CAMKMT: variants seen among roughly 807,000 people sequenced by gnomAD.
The protein encoded by CAMKMT is calmodulin-lysine N-methyltransferase, also known as CaM KMT.
In CAMKMT, 53 loss-of-function variants were observed where a neutral mutation model predicts 48.0. The observed-to-expected ratio is 1.10, with a 90% CI of 0.89 to 1.39. CAMKMT has a LOEUF of 1.39. CAMKMT is among the 40% of genes most tolerant of loss of function. The pLI, the probability that CAMKMT is intolerant of heterozygous loss-of-function variation, is 0.00. For missense variants in CAMKMT, 428 were observed against 402.7 expected, an observed-to-expected ratio of 1.06 and a Z score of -0.54; for synonymous variants, 165 against 152.3, an observed-to-expected ratio of 1.08 and a Z score of -0.61.
intron 2 of CAMKMT, among the ~76,000 whole-genome samples, chr2:44,375,021 C>T (rs1174724902): frequency 1.3e-5 from 2 of 152,062 alleles, no homozygotes; most frequent in East Asian, 1.9e-4. Flanking sequence ...GTCCCAGGCA[C>T]TCAGGAGGCT....
chr2:44,640,936 G>A (rs1430398254), intron 3 of CAMKMT, among the ~76,000 whole-genome samples: 2 of 152,098 alleles, frequency 1.3e-5, no homozygotes, highest in Non-Finnish European at 2.9e-5. Context: ...TGATCTTCCT[G>A]GGCTATATAG....
intron 3 of CAMKMT, among the ~76,000 whole-genome samples, chr2:44,579,520 GGAAA>G (rs1669425287): frequency 6.6e-6 from 1 of 152,186 alleles, no homozygotes; most frequent in Non-Finnish European, 1.5e-5. Flanking sequence ...GAAGCTGCAT[GGAAA>G]GAAAGAGAAT....
intron 3 of CAMKMT, among the ~76,000 whole-genome samples, chr2:44,684,981 A>G (rs1328658163): frequency 2.6e-5 from 4 of 152,080 alleles, no homozygotes; most frequent in Non-Finnish European, 5.9e-5. Flanking sequence ...AGAGGGATTC[A>G]TTTTTTATTG....
chr2:44,448,634 C>G (rs1239019308), intron 3 of CAMKMT, among the ~76,000 whole-genome samples: 1 of 152,184 alleles, frequency 6.6e-6, no homozygotes, highest in Non-Finnish European at 1.5e-5. Context: ...GTCCACCCAA[C>G]TAAGAACACA....
At chr2:44,565,144 C>A (rs1001544084) in intron 3 of CAMKMT, among the ~76,000 whole-genome samples, 8 of 152,160 alleles carry the variant, frequency 5.3e-5, no homozygotes, top group Non-Finnish European at 7.3e-5. Context: ...CAAAGGGACC[C>A]CCCAAGTGGT....
chr2:44,677,391 T>C (rs1675767068), intron 3 of CAMKMT, among the ~76,000 whole-genome samples: 1 of 152,188 alleles, frequency 6.6e-6, no homozygotes, highest in Non-Finnish European at 1.5e-5. Context: ...GGTAGAAGAT[T>C]GCATTCAGTT....
chr2:44,536,420 G>C (rs577542176), intron 3 of CAMKMT, among the ~76,000 whole-genome samples: 19 of 151,840 alleles, frequency 1.3e-4, no homozygotes, highest in Non-Finnish European at 2.2e-4. Context: ...TGCCTCCTGG[G>C]TTCCAGTGAT....
chr2:44,387,289 C>T (rs1680866791), intron 2 of CAMKMT, among the ~76,000 whole-genome samples: 1 of 152,112 alleles, frequency 6.6e-6, no homozygotes, highest in South Asian at 2.1e-4. Flanking sequence ...TCTCTTTTAA[C>T]TGCTGTTGCT....
At chr2:44,408,224 C>G (rs773315708) in intron 3 of CAMKMT, among the ~76,000 whole-genome samples, 1 of 151,976 alleles carries the variant, frequency 6.6e-6, no homozygotes, top group Admixed American at 6.6e-5. Context: ...TGGGGTTTCA[C>G]CATATTGGCT....
intron 3 of CAMKMT, among the ~76,000 whole-genome samples, chr2:44,673,522 G>GAAGGAAGGAAGT (rs945472268): frequency 1.3e-5 from 1 of 76,626 alleles, no homozygotes; most frequent in Non-Finnish European, 2.7e-5. Context: ...AGGAAGGAAG[G>GAAGGAAGGAAGT]AGGGAAGGAA....
chr2:44,542,542 C>G (rs1318825537), intron 3 of CAMKMT, among the ~76,000 whole-genome samples: 4 of 39,936 alleles, frequency 1.0e-4, no homozygotes, highest in Non-Finnish European at 4.4e-4. Context: ...CACACACTCT[C>G]TCTCTCTCTC....
intron 7 of CAMKMT, among the ~76,000 whole-genome samples, chr2:44,719,069 C>G (rs1271247595): frequency 1.3e-5 from 2 of 152,136 alleles, no homozygotes; most frequent in Non-Finnish European, 2.9e-5. Flanking sequence ...TTTTCCTGGG[C>G]CTTCTGCAGT....
At chr2:44,538,958 C>CTCTGTG (rs1416937430) in intron 3 of CAMKMT, among the ~76,000 whole-genome samples, 2 of 140,134 alleles carry the variant, frequency 1.4e-5, no homozygotes, top group Middle Eastern at 3.3e-3. Context: ...GTGTGTGTGT[C>CTCTGTG]TGTGTGTGTG....
rs142237946 is a variant in CAMKMT at position 44,621,854 on chromosome 2, G to T, written c.377-82429G>T. On this transcript the variant is annotated intron_variant, in intron 3 of 10. Transcript: ENST00000378494. ...TAGATTTTTAGGACAAGAGTAAAAT[G>T]GGGAAAAGTTGATAAAAGACTATTG... 4.8e-3 allele frequency among the ~76,000 whole-genome samples: 728 copies of T among 152,300 alleles called. 3 individuals carry two copies. Among genetic ancestry groups the T allele is most frequent in the African/African-American group, 0.016 (684 of 41,560 alleles).
intron 3 of CAMKMT, among the ~76,000 whole-genome samples, chr2:44,636,921 C>G (rs1037536951): frequency 6.6e-6 from 1 of 152,158 alleles, no homozygotes; most frequent in African/African-American, 2.4e-5. Flanking sequence ...TCACCTCTCT[C>G]AAACAACTGA....
chr2:44,586,566 T>C (rs1002118180), intron 3 of CAMKMT, among the ~76,000 whole-genome samples: 3 of 152,172 alleles, frequency 2.0e-5, no homozygotes, highest in Non-Finnish European at 4.4e-5. Flanking sequence ...TCAGCATAAC[T>C]ATTTTGAGCA....
intron 6 of CAMKMT, among the ~76,000 whole-genome samples, chr2:44,713,646 G>GA (rs1014289479): frequency 1.4e-4 from 21 of 150,598 alleles, no homozygotes; most frequent in African/African-American, 2.4e-4. Flanking sequence ...GTTCACCCAG[G>GA]AAAAAAAAAG....
At chr2:44,546,028 T>C (rs1301945325) in intron 3 of CAMKMT, among the ~76,000 whole-genome samples, 1 of 152,134 alleles carries the variant, frequency 6.6e-6, no homozygotes, top group Admixed American at 6.5e-5. Flanking sequence ...TAAATTTCTC[T>C]TAAAAATTTT....
intron 7 of CAMKMT, among the ~76,000 whole-genome samples, chr2:44,727,063 T>G (rs554495778): frequency 2.0e-5 from 3 of 152,318 alleles, no homozygotes; most frequent in African/African-American, 7.2e-5. Flanking sequence ...TGCCTCTGGC[T>G]TTGTTCTTTT....
Sources: allele counts gnomAD v4.1 joint callset (sites outside exome capture counted in the v4.1 genomes callset), GRCh38; gene constraint gnomAD v4.1.1; transcripts MANE v1.5; gene names NCBI Gene and HGNC (gene_info 2026-07-23, HGNC 2026-07-21).